ADAM18: variants seen among roughly 807,000 people sequenced by gnomAD.
ADAM18 encodes the protein disintegrin and metalloproteinase domain-containing protein 18.
A neutral mutation model predicts 94.4 loss-of-function variants in ADAM18; 117 were observed. The ratio of observed to expected loss-of-function variants is 1.24; its 90% CI spans 1.07 to 1.45. ADAM18 has a LOEUF of 1.45. ADAM18 is among the 40% of genes most tolerant of loss of function. The pLI is 0.00. For missense variants in ADAM18, 936 were observed against 880.0 expected (o/e 1.06, Z -0.81); for synonymous variants, 327 against 291.6 (o/e 1.12, Z -1.24).
chr8:39,632,370 A>G (rs1056933683), intron 7 of ADAM18, among the ~76,000 whole-genome samples: 1 of 152,014 alleles, frequency 6.6e-6, no homozygotes, highest in East Asian at 1.9e-4. Flanking sequence ...TGATCTTTAT[A>G]ATATTGGGAA....
chr8:39,584,722 G>A (rs1183995187), intron 1 of ADAM18, 45 bp downstream of exon 1: 1 of 1,598,388 alleles, frequency 6.3e-7, no homozygotes, highest in South Asian at 1.1e-5. Context: ...CTTTATAGCT[G>A]GGCTGGGCTC....
chr8:39,618,527 G>T (rs1819515131), intron 6 of ADAM18, among the ~76,000 whole-genome samples: 2 of 152,148 alleles, frequency 1.3e-5, no homozygotes, highest in South Asian at 4.1e-4. Context: ...CATAACCTGT[G>T]ATTAGCAAGA....
intron 7 of ADAM18, among the ~76,000 whole-genome samples, chr8:39,629,910 A>T (rs1297527152): frequency 6.6e-6 from 1 of 151,958 alleles, no homozygotes; most frequent in Admixed American, 6.6e-5. Flanking sequence ...ACTCCAGCTC[A>T]GTCAGTATCT....
At chr8:39,714,894 C>T (rs1822527942) in intron 18 of ADAM18, among the ~76,000 whole-genome samples, 1 of 152,076 alleles carries the variant, frequency 6.6e-6, no homozygotes, top group Non-Finnish European at 1.5e-5. Flanking sequence ...CTTAAAGTTG[C>T]ATTTTCCAAG....
chr8:39,722,213 GTGTGTATATATATA>G (rs1202892136), intron 18 of ADAM18, among the ~76,000 whole-genome samples: 16 of 73,386 alleles, frequency 2.2e-4, no homozygotes, highest in African/African-American at 9.5e-4. Context: ...GTGTGTGTGT[GTGTGTATATATATA>G]TATATATATA....
chr8:39,624,402 T>C (rs970966974), intron 6 of ADAM18, among the ~76,000 whole-genome samples: 1 of 152,190 alleles, frequency 6.6e-6, no homozygotes, highest in Non-Finnish European at 1.5e-5. Context: ...ATTCATTGAA[T>C]AGAGGGTCCT....
At chr8:39,622,203 G>T (rs140227829) in intron 6 of ADAM18, among the ~76,000 whole-genome samples, 267 of 151,248 alleles carry the variant, frequency 1.8e-3, no homozygotes, top group African/African-American at 6.2e-3. Flanking sequence ...CTAAAAACAA[G>T]TACATCAGCA....
chr8:39,730,037 T>C lies in ADAM18; in HGVS notation c.*97T>C, dbSNP rs558773672. ...CCAATGCATTGTAAATGTCAAACTT[T>C]TGGAAAATAAAGCCTGCGTGCCCTC... is the stretch of plus-strand genomic sequence containing the variant. On this transcript the variant is annotated 3_prime_UTR_variant, in exon 20 of 20. Coordinates refer to ENST00000265707, the MANE Select transcript of ADAM18 (RefSeq NM_014237.3). 9 of 1,331,444 alleles carry C rather than the reference T, an allele frequency of 6.8e-6. No homozygotes were observed. The African/African-American group carries it at 1.0e-4, about 15-fold the overall frequency. 82.5% of individuals were successfully genotyped at this position (1,331,444 alleles called of 1,614,324 possible).
At chr8:39,703,742 A>C (rs955624973) in intron 17 of ADAM18, among the ~76,000 whole-genome samples, 2 of 151,816 alleles carry the variant, frequency 1.3e-5, no homozygotes, top group South Asian at 2.1e-4. Context: ...TGAGACACAC[A>C]CAAAAACATT....
chr8:39,629,824 C>T (rs1477580021), intron 7 of ADAM18, among the ~76,000 whole-genome samples: 1 of 151,722 alleles, frequency 6.6e-6, no homozygotes, highest in Non-Finnish European at 1.5e-5. Flanking sequence ...GATAAATCAA[C>T]ATTTGTGACC....
chr8:39,644,145 A>G (rs1377030124), intron 10 of ADAM18, among the ~76,000 whole-genome samples: 2 of 152,146 alleles, frequency 1.3e-5, no homozygotes, highest in African/African-American at 4.8e-5. Context: ...GAAAAATTAG[A>G]CATGTTCTCA....
intron 6 of ADAM18, among the ~76,000 whole-genome samples, chr8:39,626,047 G>A (rs1819759235): frequency 6.6e-6 from 1 of 152,146 alleles, no homozygotes; most frequent in South Asian, 2.1e-4. Flanking sequence ...TGTGGCCTTG[G>A]GTTTTCTTTG....
At chr8:39,655,044 A>T (rs773189428) in intron 12 of ADAM18, among the ~76,000 whole-genome samples, 25 of 152,086 alleles carry the variant, frequency 1.6e-4, no homozygotes, top group Non-Finnish European at 3.1e-4. Context: ...AGCTTGATGT[A>T]ATCCCATCCA....
intron 12 of ADAM18, among the ~76,000 whole-genome samples, chr8:39,660,959 G>A (rs943055294): frequency 2.0e-5 from 3 of 152,066 alleles, no homozygotes; most frequent in Admixed American, 6.6e-5. Flanking sequence ...AGTTTTAAAT[G>A]TTCCATAGGT....
intron 16 of ADAM18, among the ~76,000 whole-genome samples, chr8:39,686,867 A>C (rs1240511348): frequency 1.3e-5 from 2 of 152,224 alleles, no homozygotes; most frequent in African/African-American, 4.8e-5. Flanking sequence ...ATGTGACTAA[A>C]GGTATGTTTC....
chr8:39,647,917 G>A (rs1820429230), intron 11 of ADAM18, among the ~76,000 whole-genome samples: 1 of 152,282 alleles, frequency 6.6e-6, no homozygotes. Context: ...TAAGGTACAG[G>A]TCAAAATGGA....
intron 2 of ADAM18, chr8:39,605,607 A>G (rs1398400560): frequency 6.2e-6 from 1 of 160,844 alleles, no homozygotes; most frequent in Non-Finnish European, 1.4e-5. Context: ...TTGACTAAAA[A>G]TGCAAGTGTT....
chr8:39,667,131 G>A (rs567053852), intron 13 of ADAM18, among the ~76,000 whole-genome samples: 20 of 151,966 alleles, frequency 1.3e-4, no homozygotes, highest in Non-Finnish European at 2.6e-4. Context: ...ACTTGGCGCG[G>A]TGGCTCATGC....
At chr8:39,603,658 A>G (rs1342773101) in intron 2 of ADAM18, among the ~76,000 whole-genome samples, 2 of 152,196 alleles carry the variant, frequency 1.3e-5, no homozygotes, top group Non-Finnish European at 2.9e-5. Flanking sequence ...AACCTGCAAC[A>G]TCTCTGAGGT....
Sources: gnomAD v4.1 joint callset for allele counts (sites outside exome capture counted in the v4.1 genomes callset) on GRCh38, gnomAD v4.1.1 for gene constraint, MANE v1.5 for transcripts, NCBI Gene and HGNC (gene_info 2026-07-23, HGNC 2026-07-21) for gene names.